UVRAG: variants seen among roughly 807,000 people sequenced by gnomAD.
UVRAG encodes the protein UV radiation resistance-associated gene protein.
Under a neutral mutation model 78.0 loss-of-function variants are expected in UVRAG, and 19 were observed. The observed-to-expected ratio is 0.24, with a 90% CI of 0.17 to 0.36. The LOEUF (loss-of-function observed/expected upper bound fraction) is 0.36, where lower values mean the gene tolerates loss of function less well. Among genes scored for constraint, UVRAG ranks in the 10% least tolerant of loss-of-function variants. The pLI, the probability that UVRAG is intolerant of heterozygous loss-of-function variation, is 1.00. For synonymous variants in UVRAG, 323 were observed against 324.6 expected (o/e 1.00, Z 0.05); for missense variants, 740 against 853.8 (o/e 0.87, Z 1.66).
intron 7 of UVRAG, among the ~76,000 whole-genome samples, chr11:75,974,333 TGGCTGCATAAATGTCTTC>T (rs1357469233): frequency 6.1e-4 from 92 of 150,424 alleles, no homozygotes; most frequent in Non-Finnish European, 1.0e-3. Context: ...ATGTGTCTGT[TGGCTGCATAAATGTCTTC>T]TTTTTTTTTT....
intron 3 of UVRAG, among the ~76,000 whole-genome samples, chr11:75,863,166 A>G (rs900990602): frequency 6.6e-6 from 1 of 152,250 alleles, no homozygotes; most frequent in Non-Finnish European, 1.5e-5. Context: ...ATTCTAGGCC[A>G]GACAGTTCCT....
At chr11:75,982,672 C>T (rs371111188) in intron 7 of UVRAG, among the ~76,000 whole-genome samples, 10 of 152,200 alleles carry the variant, frequency 6.6e-5, no homozygotes, top group Admixed American at 2.0e-4. Flanking sequence ...TAGAGCACCT[C>T]GGTTTGGTTT....
intron 13 of UVRAG, among the ~76,000 whole-genome samples, chr11:76,068,014 T>TA (rs1455116784): frequency 1.3e-5 from 2 of 152,184 alleles, no homozygotes; most frequent in Non-Finnish European, 2.9e-5. Context: ...TGGTGAAACT[T>TA]ACTCCTGCTG....
At chr11:75,956,011 A>G (rs1235233974) in intron 6 of UVRAG, among the ~76,000 whole-genome samples, 1 of 152,152 alleles carries the variant, frequency 6.6e-6, no homozygotes, top group Non-Finnish European at 1.5e-5. Flanking sequence ...CTGTTCTTGA[A>G]CTTTGTAAAA....
intron 1 of UVRAG, among the ~76,000 whole-genome samples, chr11:75,825,011 A>G (rs1945481176): frequency 1.3e-5 from 2 of 152,064 alleles, no homozygotes; most frequent in African/African-American, 2.4e-5. Flanking sequence ...GTGTACAGCT[A>G]CAAACTGAAG....
intron 5 of UVRAG, among the ~76,000 whole-genome samples, chr11:75,902,279 G>A (rs1037841670): frequency 6.6e-6 from 1 of 152,096 alleles, no homozygotes; most frequent in Non-Finnish European, 1.5e-5. Flanking sequence ...ACGGGAGTGG[G>A]GACGGTTTCA....
At position 75,880,092 on chromosome 11, in the gene UVRAG, C is replaced by G. The variant is rs371876435; in HGVS notation, c.432+52C>G. 6 of 1,589,446 alleles carry G rather than the reference C, an allele frequency of 3.8e-6. No homozygotes were observed. The African/African-American group carries it at 6.8e-5, about 18-fold the overall frequency. The stretch of plus-strand genomic sequence containing the variant: ...AGTTGTCATCTCCAAATTAACGTGT[C>G]TAACCTTTCTGTTGATTCTTCTGAT... On this transcript the variant is annotated intron_variant, in intron 4 of 14. Coordinates refer to ENST00000356136, the MANE Select transcript of UVRAG (RefSeq NM_003369.4).
chr11:76,006,660 CAA>C lies in UVRAG; in HGVS notation c.912-849_912-848del, dbSNP rs762221601. Among the ~76,000 whole-genome samples the C allele has an allele frequency of 5.8e-3, 363 of 62,352 alleles. 2 individuals are homozygous for C. The highest frequency in any genetic ancestry group is 0.027 in the African/African-American group (358 of 13,114). The allele number at this position is 62,352 out of a possible 152,430, so 40.9% of individuals were successfully genotyped here. On this transcript the variant is annotated intron_variant, in intron 9 of 14. Coordinates refer to ENST00000356136, the MANE Select transcript of UVRAG (RefSeq NM_003369.4). ...TGAGTGTTAAAGTGAGACCCCGTCTCAAAAAAAAAAAAAAAAAAAAAAAAAAG... is the reference window on the plus strand; with the variant it reads ...TGAGTGTTAAAGTGAGACCCCGTCTCAAAAAAAAAAAAAAAAAAAAAAAAG...
At chr11:75,878,152 C>T (rs1250610070) in intron 3 of UVRAG, among the ~76,000 whole-genome samples, 2 of 150,742 alleles carry the variant, frequency 1.3e-5, no homozygotes, top group African/African-American at 4.9e-5. Flanking sequence ...GATGGGGCGG[C>T]TGGGCAGAGA....
At chr11:75,823,569 G>A (rs764559864) in intron 1 of UVRAG, among the ~76,000 whole-genome samples, 2 of 152,076 alleles carry the variant, frequency 1.3e-5, no homozygotes, top group East Asian at 3.9e-4. Flanking sequence ...TCCTGGCTTC[G>A]AGCAATCCTC....
intron 13 of UVRAG, among the ~76,000 whole-genome samples, chr11:76,099,686 A>G (rs1010343173): frequency 6.6e-6 from 1 of 152,012 alleles, no homozygotes; most frequent in African/African-American, 2.4e-5. Context: ...AGATCTTGCT[A>G]TTTTGGTTAT....
At chr11:76,040,902 C>T (rs1202467011) in intron 12 of UVRAG, among the ~76,000 whole-genome samples, 8 of 151,990 alleles carry the variant, frequency 5.3e-5, no homozygotes, top group Non-Finnish European at 8.8e-5. Context: ...ATAGAAAACA[C>T]GGTAACAATC....
rs1952735865 is a variant in UVRAG at position 76,142,207 on chromosome 11, T to A, written c.*794T>A. ...GAGGTTACTGCAGTCAGATGCCATC[T>A]CATCCCCTGTGGGGGCCAAAGTTTT... On this transcript the variant is annotated 3_prime_UTR_variant, in exon 15 of 15. Coordinates refer to ENST00000356136, the MANE Select transcript of UVRAG (RefSeq NM_003369.4). 1 of 152,218 alleles carries A rather than the reference T, an allele frequency of 6.6e-6. No homozygotes were observed. The highest frequency in any genetic ancestry group is 2.4e-5 in the African/African-American group (1 of 41,456). The allele number at this position is 152,218 out of a possible 1,614,324, so 9.4% of individuals were successfully genotyped here.
chr11:76,065,950 G>T (rs578032621), intron 13 of UVRAG, among the ~76,000 whole-genome samples, 162 bp downstream of exon 13: 1 of 151,798 alleles, frequency 6.6e-6, no homozygotes, highest in Non-Finnish European at 1.5e-5. Flanking sequence ...GTCTTTTTCC[G>T]TGCCCTTAAA....
intron 1 of UVRAG, among the ~76,000 whole-genome samples, chr11:75,817,814 TG>T (rs1205665936): frequency 6.8e-6 from 1 of 147,384 alleles, no homozygotes; most frequent in African/African-American, 2.5e-5. Context: ...GAGGCTGAGG[TG>T]GGGGGATCAC....
At chr11:75,903,485 T>A (rs1418742539) in intron 5 of UVRAG, among the ~76,000 whole-genome samples, 1 of 152,218 alleles carries the variant, frequency 6.6e-6, no homozygotes, top group Non-Finnish European at 1.5e-5. Flanking sequence ...GACTACTATT[T>A]AATTTTCTCT....
At chr11:76,108,770 T>C (rs1952018435) in intron 13 of UVRAG, among the ~76,000 whole-genome samples, 1 of 152,208 alleles carries the variant, frequency 6.6e-6, no homozygotes, top group Non-Finnish European at 1.5e-5. Context: ...CAGATCTTCC[T>C]GGGTTTTTTT....
intron 12 of UVRAG, among the ~76,000 whole-genome samples, chr11:76,050,735 T>A (rs1950848835): frequency 2.0e-5 from 3 of 152,342 alleles, no homozygotes; most frequent in Admixed American, 6.5e-5. Flanking sequence ...GTCATAGATT[T>A]TTTTTAAATG....
chr11:76,097,340 C>T (rs1951803072), intron 13 of UVRAG, among the ~76,000 whole-genome samples: 1 of 152,180 alleles, frequency 6.6e-6, no homozygotes, highest in Non-Finnish European at 1.5e-5. Context: ...ACACCACGTG[C>T]TGTTTCTCAC....
Sources: gnomAD v4.1 joint callset for allele counts (sites outside exome capture counted in the v4.1 genomes callset) on GRCh38, gnomAD v4.1.1 for gene constraint, MANE v1.5 for transcripts, NCBI Gene and HGNC (gene_info 2026-07-23, HGNC 2026-07-21) for gene names.